DGKK: variants seen among roughly 807,000 people sequenced by gnomAD.
DGKK encodes 142 kDa diacylglycerol kinase.
A neutral mutation model predicts 92.2 loss-of-function variants in DGKK; 35 were observed. The ratio of observed to expected loss-of-function variants is 0.38; its 90% CI spans 0.29 to 0.50. The LOEUF (loss-of-function observed/expected upper bound fraction) is 0.50, where lower values mean the gene tolerates loss of function less well. Ranked by LOEUF, DGKK falls within the 20% of genes least tolerant of loss-of-function variation. The pLI, the probability that DGKK is intolerant of heterozygous loss-of-function variation, is 0.92. For missense variants in DGKK, 910 were observed against 992.2 expected, an observed-to-expected ratio of 0.92 and a Z score of 1.11; for synonymous variants, 368 against 360.6, an observed-to-expected ratio of 1.02 and a Z score of -0.23.
At chrX:50,449,133 T>G (rs781925211) in intron 1 of DGKK, among the ~76,000 whole-genome samples, 1 of 111,641 alleles carries the variant, frequency 9.0e-6, no homozygotes, top group East Asian at 2.9e-4. Context: ...GGAATGACAG[T>G]TGTATGCTAA....
chrX:50,430,768 T>C (rs1557230202), intron 1 of DGKK, among the ~76,000 whole-genome samples: 2 of 111,848 alleles, frequency 1.8e-5, no homozygotes, highest in African/African-American at 6.5e-5. Context: ...AGGTAGTATC[T>C]CTCTCTGGTG....
chrX:50,380,690 G>A (rs1427522628), intron 18 of DGKK, among the ~76,000 whole-genome samples: 2 of 111,216 alleles, frequency 1.8e-5, no homozygotes, highest in African/African-American at 3.3e-5. Flanking sequence ...GGAGGACAGC[G>A]TCTTGTTGAC....
At position 50,422,457 on chromosome X, in the gene DGKK, G is replaced by A; in HGVS notation, c.826C>T (p.His276Tyr). 1 of 1,201,782 alleles carries A rather than the reference G, an allele frequency of 8.3e-7. No individual in the cohort carries two copies. Among genetic ancestry groups the A allele is most frequent in the Non-Finnish European group, 1.1e-6 (1 of 889,865 alleles). ...VAESSCRNLC[H>Y]SFCVITPQRK... is the part of the protein sequence containing the mutation. ...CCAATCTTACTTACACAAAAACTGT[G>A]GCAAAGGTTTCTACAGCTGCTTTCT... Residue 276 changes from histidine (H) to tyrosine (Y), a missense_variant, in exon 3 of 28, where the codon CAC becomes TAC. Coordinates refer to ENST00000611977, the MANE Select transcript of DGKK (RefSeq NM_001013742.4).
Position 50,384,710 on chromosome X carries a change from A to G in DGKK, c.2452+10T>C, listed in dbSNP as rs375235775. On this transcript the variant is annotated intron_variant, in intron 16 of 27. Coordinates refer to ENST00000611977, the MANE Select transcript of DGKK (RefSeq NM_001013742.4). The stretch of plus-strand genomic sequence containing the variant: ...GCTAGAATAAGGGAAGAAGACAGAA[A>G]GATCCTTACGGCGTCGTGGGCTTGT... 2.4e-5 allele frequency: 29 copies of G among 1,198,863 alleles called. No individual in the cohort carries two copies. In the African/African-American group the frequency reaches 3.7e-4, roughly 15 times the overall value.
chrX:50,439,678 T>C (rs1196112769), intron 1 of DGKK, among the ~76,000 whole-genome samples: 2 of 110,995 alleles, frequency 1.8e-5, no homozygotes, highest in African/African-American at 6.5e-5. Context: ...CTACCAGAGG[T>C]TAGGGTACTT....
chrX:50,439,754 A>G (rs1926122175), intron 1 of DGKK, among the ~76,000 whole-genome samples: 1 of 111,451 alleles, frequency 9.0e-6, no homozygotes. Flanking sequence ...CAGATCAAAG[A>G]TCACTGGGAA....
intron 11 of DGKK, among the ~76,000 whole-genome samples, chrX:50,391,026 A>G (rs782718788): frequency 2.7e-5 from 3 of 111,769 alleles, no homozygotes; most frequent in Non-Finnish European, 5.6e-5. Context: ...CTGCAATTTG[A>G]AGAGGGTTCA....
intron 4 of DGKK, among the ~76,000 whole-genome samples, chrX:50,408,888 T>C (rs1486880076): frequency 8.9e-6 from 1 of 111,747 alleles, no homozygotes; most frequent in Non-Finnish European, 1.9e-5. Flanking sequence ...CGCTGGAATG[T>C]GCTATGGCTT....
intron 1 of DGKK, among the ~76,000 whole-genome samples, chrX:50,455,133 CT>C (rs1926579201): frequency 8.9e-6 from 1 of 112,020 alleles, no homozygotes; most frequent in Non-Finnish European, 1.9e-5. Context: ...CTGGCCTTCC[CT>C]TTGTTTCCTC....
At chrX:50,457,669 T>TG (rs1365549965) in intron 1 of DGKK, among the ~76,000 whole-genome samples, 1 of 112,016 alleles carries the variant, frequency 8.9e-6, no homozygotes, top group Non-Finnish European at 1.9e-5. Context: ...TATAGTACAC[T>TG]GAGGCCCCTT....
At chrX:50,375,932 T>G in intron 24 of DGKK, 92 bp downstream of exon 24, 1 of 1,056,468 alleles carries the variant, frequency 9.5e-7, no homozygotes, top group Non-Finnish European at 1.3e-6. Context: ...TTGCCCAGTT[T>G]CTCCGTCCAG....
intron 9 of DGKK, 23 bp downstream of exon 9, chrX:50,393,129 A>G (rs370597517): frequency 2.0e-5 from 24 of 1,171,780 alleles, no homozygotes; most frequent in Middle Eastern, 2.3e-4. Context: ...ATACCCAATC[A>G]TATCCATGGG....
At chrX:50,395,386 T>C in intron 8 of DGKK, among the ~76,000 whole-genome samples, 1 of 111,434 alleles carries the variant, frequency 9.0e-6, no homozygotes, top group Non-Finnish European at 1.9e-5. Flanking sequence ...AAAGGACTCA[T>C]GGAAGCAACT....
chrX:50,445,684 C>A (rs1312641836), intron 1 of DGKK, among the ~76,000 whole-genome samples: 1 of 111,225 alleles, frequency 9.0e-6, no homozygotes, highest in African/African-American at 3.3e-5. Flanking sequence ...GTTACTGTAG[C>A]CCTTTAGTAA....
chrX:50,444,109 C>G (rs1926231801), intron 1 of DGKK, among the ~76,000 whole-genome samples: 1 of 110,635 alleles, frequency 9.0e-6, no homozygotes, highest in Non-Finnish European at 1.9e-5. Flanking sequence ...ATAAATAAAG[C>G]TGCTATGAAT....
intron 8 of DGKK, among the ~76,000 whole-genome samples, chrX:50,397,622 C>T (rs781885938): frequency 9.2e-4 from 103 of 112,418 alleles, no homozygotes; most frequent in African/African-American, 3.1e-3. Flanking sequence ...TGTGTTTTAA[C>T]AAGCCTTTCA....
intron 25 of DGKK, 64 bp from the exon 26 acceptor site, chrX:50,371,898 TC>T: frequency 1.4e-6 from 1 of 692,212 alleles, no homozygotes; most frequent in Non-Finnish European, 2.2e-6. Context: ...TCTTACACTC[TC>T]CCCCACTCCC....
intron 8 of DGKK, among the ~76,000 whole-genome samples, chrX:50,394,935 G>A (rs782018019): frequency 2.2e-4 from 24 of 110,481 alleles, no homozygotes; most frequent in African/African-American, 7.9e-4. Context: ...GGGGTAGGAA[G>A]AAGAATAAGT....
Position 50,470,746 on chromosome X carries a change from C to G in DGKK, c.-68G>C. ...CCTGGAAGGCTAAAGTACCCTCGGG[C>G]GCCCCGCCCACTCCAGTCCGGCAGC... On this transcript the variant is annotated 5_prime_UTR_variant, in exon 1 of 28. Coordinates refer to ENST00000611977, the MANE Select transcript of DGKK (RefSeq NM_001013742.4). The G allele has an allele frequency of 1.9e-6, 2 of 1,059,128 alleles. No individual in the cohort carries two copies. The highest frequency in any genetic ancestry group is 2.4e-6 in the Non-Finnish European group (2 of 817,390). The allele number at this position is 1,059,128 out of a possible 1,213,427, so 87.3% of individuals were successfully genotyped here. A position where few individuals can be genotyped will look rare whatever the true frequency, so the allele number is the denominator to read the frequency against.
Sources: allele counts gnomAD v4.1 joint callset (sites outside exome capture counted in the v4.1 genomes callset), GRCh38; gene constraint gnomAD v4.1.1; transcripts MANE v1.5; gene names NCBI Gene and HGNC (gene_info 2026-07-23, HGNC 2026-07-21).